Variants in ATP9B observed in about 807,000 individuals in gnomAD.
ATP9B encodes probable phospholipid-transporting ATPase IIB.
A neutral mutation model predicts 146.1 loss-of-function variants in ATP9B; 110 were observed. The ratio of observed to expected loss-of-function variants is 0.75; its 90% CI spans 0.65 to 0.88. ATP9B has a LOEUF of 0.88. Among genes scored for constraint, ATP9B ranks in the 40% least tolerant of loss-of-function variants. ATP9B has a pLI of 0.00. For missense variants in ATP9B, 1,499 were observed against 1,496.4 expected (o/e 1.00, Z -0.03); for synonymous variants, 604 against 569.7 (o/e 1.06, Z -0.86).
chr18:79,158,393 C>T (rs569127418), intron 7 of ATP9B, among the ~76,000 whole-genome samples: 1 of 152,224 alleles, frequency 6.6e-6, no homozygotes, highest in Admixed American at 6.5e-5. Flanking sequence ...TCAAGCAGTT[C>T]TCTTGCCTCA....
intron 12 of ATP9B, among the ~76,000 whole-genome samples, chr18:79,270,919 C>T (rs1369036004): frequency 6.6e-6 from 1 of 152,188 alleles, no homozygotes; most frequent in Admixed American, 6.5e-5. Flanking sequence ...AGCCCTGAAG[C>T]ACTGTTTCCC....
At chr18:79,355,976 C>T (rs571928412) in intron 25 of ATP9B, among the ~76,000 whole-genome samples, 1 of 152,274 alleles carries the variant, frequency 6.6e-6, no homozygotes, top group South Asian at 2.1e-4. Context: ...CAGTGACGGC[C>T]GCTTCCGGAA....
chr18:79,356,321 TCTCA>T (rs1286134599), intron 25 of ATP9B, among the ~76,000 whole-genome samples: 2 of 151,686 alleles, frequency 1.3e-5, no homozygotes, highest in South Asian at 4.1e-4. Context: ...GTTTATACCC[TCTCA>T]CTCGGCACTC....
At chr18:79,258,206 G>T (rs1459602504) in intron 12 of ATP9B, among the ~76,000 whole-genome samples, 1 of 152,168 alleles carries the variant, frequency 6.6e-6, no homozygotes, top group Non-Finnish European at 1.5e-5. Flanking sequence ...CAGGCTGATA[G>T]CTTGAGTCCA....
rs542795606 is a variant in ATP9B, at chr18:79,096,218, C to T, written c.120-258C>T. 2.0e-4 allele frequency among the ~76,000 whole-genome samples: 31 copies of T among 152,168 alleles called. No homozygotes were observed. In the South Asian group the frequency reaches 3.1e-3, roughly 15 times the overall value. On this transcript the variant is annotated intron_variant, in intron 1 of 29. Transcript: ENST00000426216. ...TGGTTGTGCTGTCAGGCTGCCCATC[C>T]GCACCACAGATGCCTCCAGGATTAT...
At chr18:79,226,292 T>C (rs1019872563) in intron 11 of ATP9B, among the ~76,000 whole-genome samples, 47 of 152,370 alleles carry the variant, frequency 3.1e-4, no homozygotes, top group African/African-American at 1.1e-3. Flanking sequence ...GTTCCACGGG[T>C]GCTTTGCTCC....
chr18:79,107,535 G>T (rs894652286), intron 2 of ATP9B, among the ~76,000 whole-genome samples: 6 of 152,160 alleles, frequency 3.9e-5, no homozygotes, highest in African/African-American at 1.4e-4. Flanking sequence ...GGGCGGCATT[G>T]TGCTGAGCCT....
intron 8 of ATP9B, among the ~76,000 whole-genome samples, chr18:79,182,147 G>A (rs942090861): frequency 6.6e-6 from 1 of 152,176 alleles, no homozygotes; most frequent in Admixed American, 6.5e-5. Context: ...AATTAATCCT[G>A]TTGCTAGAGC....
chr18:79,224,484 G>A (rs2095710214), intron 11 of ATP9B, among the ~76,000 whole-genome samples: 1 of 152,176 alleles, frequency 6.6e-6, no homozygotes, highest in Non-Finnish European at 1.5e-5. Context: ...TCCCCAGGAG[G>A]ATTTCTGTGG....
Position 79,264,546 on chromosome 18 carries a change from T to TG in ATP9B, c.1268+11005_1268+11006insG, listed in dbSNP as rs373104385. ...CATGCCAAATATATGAGGTTTTTTT[T>TG]TTGTTGGTTATCACTTTTTATGTTG... On this transcript the variant is annotated intron_variant, in intron 12 of 29. Transcript: ENST00000426216. Among the ~76,000 whole-genome samples, 185 of 152,298 alleles carry TG rather than the reference T, an allele frequency of 1.2e-3. 2 individuals are homozygous for TG. Among genetic ancestry groups the TG allele is most frequent in the African/African-American group, 4.2e-3 (175 of 41,570 alleles).
chr18:79,290,570 G>A (rs1057080036), intron 13 of ATP9B, among the ~76,000 whole-genome samples: 1 of 152,128 alleles, frequency 6.6e-6, no homozygotes, highest in Non-Finnish European at 1.5e-5. Flanking sequence ...CTCTTCCCGA[G>A]TGAGGCAATG....
rs2095178787 is a variant in ATP9B, at chr18:79,176,824, A to G, written c.790A>G (p.Ile264Val). Residue 264 changes from isoleucine (I) to valine (V), a missense_variant, in exon 8 of 30, where the codon ATT becomes GTT. Coordinates refer to ENST00000426216, the MANE Select transcript of ATP9B (RefSeq NM_198531.5). ...RTSEKAGSCFIRTDQLDGETD... is the reference protein window; with the variant it reads ...RTSEKAGSCFVRTDQLDGETD... ...TCTCTACTTCCAAGGTTCGTGTTTT[A>G]TTCGAACTGATCAACTAGATGGTGA... 2 of 1,614,064 alleles carry G rather than the reference A, an allele frequency of 1.2e-6. No individual in the cohort carries two copies. The highest frequency in any genetic ancestry group is 1.7e-6 in the Non-Finnish European group (2 of 1,179,972).
At chr18:79,311,686 A>G (rs904834955) in intron 15 of ATP9B, among the ~76,000 whole-genome samples, 7 of 152,196 alleles carry the variant, frequency 4.6e-5, no homozygotes, top group Non-Finnish European at 8.8e-5. Context: ...CAAAACGATG[A>G]AAGTGGTTTT....
intron 2 of ATP9B, among the ~76,000 whole-genome samples, chr18:79,103,210 A>T (rs559102297): frequency 6.1e-4 from 92 of 151,732 alleles, no homozygotes; most frequent in Non-Finnish European, 1.3e-3. Flanking sequence ...CATTAAGCAG[A>T]TATGGACTGT....
intron 9 of ATP9B, among the ~76,000 whole-genome samples, chr18:79,204,203 C>A (rs1033456362): frequency 1.2e-4 from 18 of 152,256 alleles, no homozygotes; most frequent in African/African-American, 4.3e-4. Context: ...GTGGAAAAAA[C>A]AAGAACAGTG....
At chr18:79,084,070 G>A (rs1465015448) in intron 1 of ATP9B, among the ~76,000 whole-genome samples, 1 of 151,712 alleles carries the variant, frequency 6.6e-6, no homozygotes, top group Non-Finnish European at 1.5e-5. Flanking sequence ...TGTTGGCCAG[G>A]ATGGTCTTGA....
intron 15 of ATP9B, among the ~76,000 whole-genome samples, chr18:79,318,693 T>C (rs1221519120): frequency 6.6e-6 from 1 of 152,280 alleles, no homozygotes; most frequent in Non-Finnish European, 1.5e-5. Context: ...ACTGTGTATA[T>C]GCACCTTTCA....
intron 9 of ATP9B, among the ~76,000 whole-genome samples, chr18:79,206,398 T>C (rs2095534012): frequency 1.3e-5 from 2 of 152,118 alleles, no homozygotes; most frequent in Admixed American, 6.5e-5. Flanking sequence ...AGAGAGGAAA[T>C]TATGCTATGC....
chr18:79,087,276 C>G (rs1034513995), intron 1 of ATP9B: 2 of 152,238 alleles, frequency 1.3e-5, no homozygotes, highest in South Asian at 2.1e-4. Flanking sequence ...GCACTATCTT[C>G]TAAGACTGTT....
Sources: gnomAD v4.1 joint callset for allele counts (sites outside exome capture counted in the v4.1 genomes callset) on GRCh38, gnomAD v4.1.1 for gene constraint, MANE v1.5 for transcripts, NCBI Gene and HGNC (gene_info 2026-07-23, HGNC 2026-07-21) for gene names.